Variants in TRHDE observed in about 807,000 individuals in gnomAD.
TRHDE encodes the protein thyrotropin-releasing hormone-degrading ectoenzyme.
A neutral mutation model predicts 125.7 loss-of-function variants in TRHDE; 72 were observed. That is an observed-to-expected ratio of 0.57 (90% CI 0.47 to 0.70). TRHDE has a LOEUF of 0.70. Ranked by LOEUF, TRHDE falls within the 30% of genes least tolerant of loss-of-function variation. TRHDE has a pLI of 0.00. For missense variants in TRHDE, 1,110 were observed against 1,327.1 expected (o/e 0.84, Z 2.54); for synonymous variants, 509 against 509.1 (o/e 1.00, Z 0.00).
chr12:72,537,564 C>A (rs1419337569), intron 6 of TRHDE, among the ~76,000 whole-genome samples: 1 of 152,050 alleles, frequency 6.6e-6, no homozygotes, highest in Non-Finnish European at 1.5e-5. Context: ...AAACCTCTTT[C>A]CTTTATGAAT....
chr12:72,528,694 G>A (rs1868394035), intron 6 of TRHDE, among the ~76,000 whole-genome samples: 1 of 151,880 alleles, frequency 6.6e-6, no homozygotes, highest in Admixed American at 6.6e-5. Context: ...TCACCATGTT[G>A]TTCAGGCTGG....
rs1350418966 is a variant in TRHDE, at chr12:72,666,795, A to G, written c.*3600A>G. The G allele has an allele frequency of 2.0e-5, 3 of 152,112 alleles. No individual in the cohort carries two copies. Among genetic ancestry groups the G allele is most frequent in the African/African-American group, 4.8e-5 (2 of 41,454 alleles). The allele number at this position is 152,112 out of a possible 1,614,324, so 9.4% of individuals were successfully genotyped here. ...AATTTGCAGGATGTTAAACAACTGGATGAAATGTTATGATTTAATTTGGTC... is the reference window on the plus strand; with the variant it reads ...AATTTGCAGGATGTTAAACAACTGGGTGAAATGTTATGATTTAATTTGGTC... On this transcript the variant is annotated 3_prime_UTR_variant, in exon 19 of 19. Coordinates refer to ENST00000261180, the MANE Select transcript of TRHDE (RefSeq NM_013381.3).
chr12:72,646,173 G>T (rs928710123), intron 15 of TRHDE, among the ~76,000 whole-genome samples: 5 of 151,962 alleles, frequency 3.3e-5, no homozygotes, highest in Non-Finnish European at 5.9e-5. Flanking sequence ...TATATTAAAA[G>T]GTACACAATA....
At chr12:72,470,545 G>A (rs765480468) in intron 4 of TRHDE, among the ~76,000 whole-genome samples, 10 of 152,040 alleles carry the variant, frequency 6.6e-5, no homozygotes, top group South Asian at 6.2e-4. Flanking sequence ...ATTAGATTTC[G>A]CAGTGCTTAT....
At chr12:72,456,272 G>T (rs1023114321) in intron 3 of TRHDE, among the ~76,000 whole-genome samples, 7 of 151,814 alleles carry the variant, frequency 4.6e-5, no homozygotes, top group East Asian at 3.9e-4. Context: ...AGGGTGGAAA[G>T]GTGGCCAGGC....
intron 1 of TRHDE, among the ~76,000 whole-genome samples, chr12:72,104,382 G>C (rs531070708): frequency 6.6e-5 from 10 of 152,082 alleles, no homozygotes; most frequent in Non-Finnish European, 1.2e-4. Context: ...AGAGGGTAAA[G>C]CACACTTAGA....
chr12:72,601,227 T>C (rs1872192674), intron 12 of TRHDE, among the ~76,000 whole-genome samples: 1 of 152,100 alleles, frequency 6.6e-6, no homozygotes, highest in Non-Finnish European at 1.5e-5. Context: ...AAAAAGTCAC[T>C]ACATATGTGG....
chr12:72,095,032 C>A (rs946895018), intron 1 of TRHDE, among the ~76,000 whole-genome samples: 1 of 152,166 alleles, frequency 6.6e-6, no homozygotes, highest in Non-Finnish European at 1.5e-5. Context: ...CTTTAAATAT[C>A]TTTTCTCAGC....
Position 72,607,358 on chromosome 12 carries a change from T to C in TRHDE, c.2322-11533T>C, listed in dbSNP as rs1038574798. Among the ~76,000 whole-genome samples the C allele has an allele frequency of 1.6e-4, 24 of 152,324 alleles. 1 individual carries two copies. The highest frequency in any genetic ancestry group is 1.5e-3 in the Admixed American group (23 of 15,306). On this transcript the variant is annotated intron_variant, in intron 12 of 18. Coordinates refer to ENST00000261180, the MANE Select transcript of TRHDE (RefSeq NM_013381.3). ...GCATAAATAATTGTATCTCTTTTTA[T>C]GATATTCACAACTGTTGCTGTTCAA...
chr12:72,517,950 C>G (rs746552999), intron 6 of TRHDE, among the ~76,000 whole-genome samples: 4 of 150,676 alleles, frequency 2.7e-5, no homozygotes, highest in African/African-American at 7.3e-5. Flanking sequence ...TGTAATTGAG[C>G]GGTTTTGAGT....
intron 6 of TRHDE, among the ~76,000 whole-genome samples, chr12:72,518,921 A>T (rs1313093172): frequency 2.6e-5 from 4 of 151,846 alleles, no homozygotes; most frequent in Non-Finnish European, 4.4e-5. Context: ...GTTTGGCTGG[A>T]TATGAAATTC....
intron 2 of TRHDE, among the ~76,000 whole-genome samples, chr12:72,294,213 C>G (rs376928325): frequency 6.6e-6 from 1 of 152,140 alleles, no homozygotes; most frequent in African/African-American, 2.4e-5. Flanking sequence ...CCTGTTTGTG[C>G]GACAGTTCTT....
intron 2 of TRHDE, among the ~76,000 whole-genome samples, chr12:72,211,233 C>G (rs1877774607): frequency 6.6e-6 from 1 of 152,162 alleles, no homozygotes; most frequent in Non-Finnish European, 1.5e-5. Context: ...ATTCCCAGCT[C>G]TGTTGCAGTG....
At chr12:72,456,656 A>G (rs11179215) in intron 3 of TRHDE, among the ~76,000 whole-genome samples, 14,465 of 152,052 alleles carry the variant, frequency 0.095, 871 homozygotes, top group African/African-American at 0.16. Flanking sequence ...CAATTCCCTG[A>G]GTATTTACAT....
At chr12:72,306,222 A>C (rs1868339118) in intron 2 of TRHDE, among the ~76,000 whole-genome samples, 1 of 152,124 alleles carries the variant, frequency 6.6e-6, no homozygotes, top group African/African-American at 2.4e-5. Context: ...ACCTCTTACA[A>C]ACGTTTTCTA....
intron 2 of TRHDE, among the ~76,000 whole-genome samples, chr12:72,136,663 G>T (rs1029589779): frequency 2.6e-5 from 4 of 152,216 alleles, no homozygotes; most frequent in African/African-American, 9.6e-5. Context: ...AAGACAATTT[G>T]TTGGAACATC....
chr12:72,309,700 G>A (rs1249300765), intron 2 of TRHDE: 2 of 150,616 alleles, frequency 1.3e-5, no homozygotes, highest in Admixed American at 6.6e-5. Context: ...TTTCCTTTCA[G>A]TTGCTCTTTG....
At chr12:72,617,125 T>A (rs1359995909) in intron 12 of TRHDE, among the ~76,000 whole-genome samples, 1 of 152,096 alleles carries the variant, frequency 6.6e-6, no homozygotes, top group African/African-American at 2.4e-5. Context: ...CAAAAATGTA[T>A]AAAATGGAAT....
At chr12:72,238,323 C>T (rs7298154) in intron 2 of TRHDE, among the ~76,000 whole-genome samples, 1,771 of 13,216 alleles carry the variant, frequency 0.13, 121 homozygotes, top group Non-Finnish European at 0.18. Flanking sequence ...TATATATATA[C>T]ATATATATAT....
Sources: allele counts gnomAD v4.1 joint callset (sites outside exome capture counted in the v4.1 genomes callset), GRCh38; gene constraint gnomAD v4.1.1; transcripts MANE v1.5; gene names NCBI Gene and HGNC (gene_info 2026-07-23, HGNC 2026-07-21).